PDE4D: variants seen among roughly 807,000 people sequenced by gnomAD.
PDE4D encodes the protein 3',5'-cyclic-AMP phosphodiesterase 4D.
PDE4D carries 24 observed loss-of-function variants against 87.4 expected under a neutral mutation model. That is an observed-to-expected ratio of 0.27 (90% confidence interval 0.20 to 0.39). The LOEUF is 0.39. Among genes scored for constraint, PDE4D ranks in the 10% least tolerant of loss-of-function variants. The pLI is 1.00. For synonymous variants in PDE4D, 384 were observed against 383.2 expected (o/e 1.00, Z -0.02); for missense variants, 714 against 1,041.0 (o/e 0.69, Z 4.32).
chr5:60,312,816 T>C (rs950818540), intron 1 of PDE4D, among the ~76,000 whole-genome samples: 1 of 152,200 alleles, frequency 6.6e-6, no homozygotes, highest in African/African-American at 2.4e-5. Flanking sequence ...AACCTGCTCC[T>C]GAATGACTTT....
chr5:60,006,167 A>G (rs1308305417), intron 2 of PDE4D, among the ~76,000 whole-genome samples: 1 of 152,066 alleles, frequency 6.6e-6, no homozygotes, highest in South Asian at 2.1e-4. Flanking sequence ...AAAGGTACAG[A>G]TGAAACAAGA....
intron 5 of PDE4D, among the ~76,000 whole-genome samples, chr5:59,103,654 G>A (rs994434393): frequency 3.3e-5 from 5 of 152,146 alleles, no homozygotes; most frequent in African/African-American, 1.2e-4. Flanking sequence ...CCCTTTATGT[G>A]AATATGATCT....
chr5:60,099,190 C>A (rs1218140318), intron 2 of PDE4D, among the ~76,000 whole-genome samples: 2 of 151,946 alleles, frequency 1.3e-5, no homozygotes, highest in African/African-American at 4.8e-5. Context: ...GAGTACCCTT[C>A]CATGTGATGA....
chr5:60,021,420 G>C (rs554893616), intron 2 of PDE4D: 1 of 152,130 alleles, frequency 6.6e-6, no homozygotes, highest in African/African-American at 2.4e-5. Flanking sequence ...AAAATGTCAC[G>C]CTGTAGCCAC....
intron 1 of PDE4D, chr5:60,521,330 A>G (rs1464922624): frequency 6.6e-6 from 1 of 152,228 alleles, no homozygotes; most frequent in African/African-American, 2.4e-5. Flanking sequence ...TTGCATGGCA[A>G]TATATTTAGT....
At chr5:60,460,428 T>C (rs1746834060) in intron 1 of PDE4D, 1 of 1,333,544 alleles carries the variant, frequency 7.5e-7, no homozygotes, top group Admixed American at 1.7e-5. Context: ...GGGCAGACAC[T>C]TGTGGATGCT....
intron 1 of PDE4D, among the ~76,000 whole-genome samples, chr5:59,696,647 G>A (rs114448089): frequency 0.016 from 2,497 of 152,266 alleles, 68 homozygotes; most frequent in African/African-American, 0.057. Context: ...TGAGAAACCA[G>A]TAAAAGTTGA....
At chr5:59,466,802 T>C (rs1033619563) in intron 1 of PDE4D, among the ~76,000 whole-genome samples, 1 of 152,124 alleles carries the variant, frequency 6.6e-6, no homozygotes, top group Admixed American at 6.6e-5. Flanking sequence ...ATAGAACCAA[T>C]ATACATGGAA....
chr5:59,360,631 A>C (rs1180279106), intron 1 of PDE4D, among the ~76,000 whole-genome samples: 3 of 152,188 alleles, frequency 2.0e-5, no homozygotes, highest in Non-Finnish European at 4.4e-5. Flanking sequence ...AATCAACTAT[A>C]AGTTATTTCT....
rs566374395 is a variant in PDE4D, at chr5:60,504,335, GT to G, written n.70+17715del. ...AGCCTGCTTCTCTAGTTCTTTTAAG[GT>G]TTTTTTTTTTAGGTCTTTTTAGGTA... On this transcript the variant is annotated intron_variant and non_coding_transcript_variant, in intron 1 of 2. Coordinates refer to the PDE4D transcript ENST00000506510. 8.6e-3 allele frequency among the ~76,000 whole-genome samples: 1,240 copies of G among 144,486 alleles called. 13 individuals carry two copies. Among genetic ancestry groups the G allele is most frequent in the African/African-American group, 0.029 (1,143 of 39,774 alleles). The allele number at this position is 144,486 out of a possible 152,430, so 94.8% of individuals were successfully genotyped here.
chr5:59,784,766 C>T (rs2152634169), intron 1 of PDE4D, among the ~76,000 whole-genome samples: 1 of 152,282 alleles, frequency 6.6e-6, no homozygotes, highest in Middle Eastern at 3.4e-3. Flanking sequence ...AACTGTAGCT[C>T]TCATGATTCC....
chr5:59,001,641 C>A (rs777914379), intron 6 of PDE4D, among the ~76,000 whole-genome samples: 1 of 152,158 alleles, frequency 6.6e-6, no homozygotes, highest in Non-Finnish European at 1.5e-5. Context: ...CTCCCAGGAT[C>A]CTGAACTTCT....
intron 1 of PDE4D, among the ~76,000 whole-genome samples, chr5:60,362,045 G>C (rs1561165383): frequency 6.6e-6 from 1 of 152,122 alleles, no homozygotes; most frequent in East Asian, 1.9e-4. Context: ...AATTCCACAA[G>C]AATTTAAAAC....
At position 59,294,801 on chromosome 5, in the gene PDE4D, A is replaced by G. The variant is rs80129438; in HGVS notation, c.456-78833T>C. Among the ~76,000 whole-genome samples the G allele has an allele frequency of 1.9e-3, 286 of 152,302 alleles. 4 individuals carry two copies. The East Asian group carries it at 0.044, about 24-fold the overall frequency. On this transcript the variant is annotated intron_variant, in intron 1 of 14. Transcript: ENST00000340635. ...GTTTTACTATGATTCTGCTTTAGGA[A>G]TATTTGTGGCTGTAGAGGAAACATT... is the stretch of plus-strand genomic sequence containing the variant.
intron 3 of PDE4D, among the ~76,000 whole-genome samples, chr5:59,964,938 T>C (rs961524384): frequency 1.3e-5 from 2 of 152,172 alleles, no homozygotes; most frequent in Non-Finnish European, 2.9e-5. Flanking sequence ...TCTCAATTCT[T>C]TGATTATACC....
At chr5:58,999,890 G>GC in intron 6 of PDE4D, 1 of 986,352 alleles carries the variant, frequency 1.0e-6, no homozygotes, top group East Asian at 1.1e-4. Context: ...ATGCTTAGTT[G>GC]CAAGAAAGGC....
At position 59,523,223 on chromosome 5, in the gene PDE4D, C is replaced by G. The variant is rs115124864; in HGVS notation, c.456-307255G>C. Among the ~76,000 whole-genome samples the G allele has an allele frequency of 2.7e-3, 407 of 152,314 alleles. 2 individuals carry two copies. Among genetic ancestry groups the G allele is most frequent in the African/African-American group, 9.2e-3 (381 of 41,570 alleles). ...GAAGGTACACCTGCAAAAGCAGAAGCCCTGTGGTCCACATTGAACTTTAAA... is the reference window on the plus strand; with the variant it reads ...GAAGGTACACCTGCAAAAGCAGAAGGCCTGTGGTCCACATTGAACTTTAAA... On this transcript the variant is annotated intron_variant, in intron 1 of 14. Coordinates refer to ENST00000340635, the MANE Select transcript of PDE4D (RefSeq NM_001104631.2).
At chr5:59,665,567 C>A (rs1745941925) in intron 1 of PDE4D, among the ~76,000 whole-genome samples, 1 of 152,172 alleles carries the variant, frequency 6.6e-6, no homozygotes, top group African/African-American at 2.4e-5. Flanking sequence ...CCATATTGCC[C>A]ATGTACAGAA....
chr5:60,266,114 T>A (rs1263516260), intron 1 of PDE4D, among the ~76,000 whole-genome samples: 2 of 151,888 alleles, frequency 1.3e-5, no homozygotes, highest in Non-Finnish European at 2.9e-5. Flanking sequence ...GAGCAGACAT[T>A]TACAAGGGCT....
Sources: allele counts gnomAD v4.1 joint callset (sites outside exome capture counted in the v4.1 genomes callset), GRCh38; gene constraint gnomAD v4.1.1; transcripts MANE v1.5; gene names NCBI Gene and HGNC (gene_info 2026-07-23, HGNC 2026-07-21).